Variants in ADH5 observed in about 807,000 individuals in gnomAD.
ADH5 encodes alcohol dehydrogenase 5 (class III), chi polypeptide.
ADH5 carries 32 observed loss-of-function variants against 40.3 expected under a neutral mutation model. The ratio of observed to expected loss-of-function variants is 0.79; its 90% confidence interval spans 0.60 to 1.07. ADH5 has a LOEUF of 1.07. ADH5 is among the 50% of genes least tolerant of loss of function. The probability of loss-of-function intolerance (pLI) is 0.00; values close to 1 mark genes in which losing one functional copy is unlikely to be tolerated. For missense variants in ADH5, 353 were observed against 460.5 expected, an observed-to-expected ratio of 0.77 and a Z score of 2.14; for synonymous variants, 125 against 154.3, an observed-to-expected ratio of 0.81 and a Z score of 1.41.
At chr4:99,087,076 T>C (rs1444245821) in intron 1 of ADH5, among the ~76,000 whole-genome samples, 1 of 150,412 alleles carries the variant, frequency 6.6e-6, no homozygotes, top group African/African-American at 2.5e-5. Flanking sequence ...GTGAACTACA[T>C]AGAGATATAA....
In ADH5 at chr4:99,072,428, C is replaced by T. The variant is rs1215594601; in HGVS notation, c.1114G>A (p.Val372Ile). 6.2e-7 allele frequency: 1 copy of T among 1,613,100 alleles called. No homozygotes were observed. Among genetic ancestry groups the T allele is most frequent in the Non-Finnish European group, 8.5e-7 (1 of 1,179,408 alleles). The change falls in exon 9 of 9, where the codon GTA becomes ATA. Residue 372 changes from valine to isoleucine, a missense_variant. By Grantham distance (29) the Val-to-Ile change is conservative. Transcript: ENST00000296412. ...MHSGKSIRTV[V>I]KI ...TTTTCTCTTTTGAATTAAATCTTTA[C>T]AACAGTTCGAATGCTGTAAAAGGAA...
chr4:99,075,596 G>A (rs1579361182), intron 6 of ADH5: 1 of 152,166 alleles, frequency 6.6e-6, no homozygotes, highest in Non-Finnish European at 1.5e-5. Context: ...ATTTTAAAAA[G>A]TAAACTGTAG....
At position 99,076,397 on chromosome 4, in the gene ADH5, A is replaced by G; in HGVS notation, c.720T>C (p.Cys240=). The change falls in exon 6 of 9, where the codon TGT becomes TGC. Residue 240 remains cysteine (C), a synonymous_variant. Coordinates refer to ENST00000296412, the MANE Select transcript of ADH5 (RefSeq NM_000671.4). ...GTTTACTAAAATCCTGAGGGTTAAT[A>G]CATTCAGTGGCTCCAAACTCTTTGG... is the stretch of plus-strand genomic sequence containing the variant. ...ARAKEFGATE[C]INPQDFSKPI... is the part of the protein sequence containing the mutation. The G allele has an allele frequency of 6.2e-7, 1 of 1,614,196 alleles. No individual in the cohort carries two copies. Among genetic ancestry groups the G allele is most frequent in the South Asian group, 1.1e-5 (1 of 91,086 alleles).
intron 4 of ADH5, among the ~76,000 whole-genome samples, chr4:99,077,935 G>C (rs1343707145): frequency 6.6e-6 from 1 of 152,196 alleles, no homozygotes; most frequent in East Asian, 1.9e-4. Flanking sequence ...TTTCTCACTA[G>C]AAAATGCTGA....
intron 1 of ADH5, among the ~76,000 whole-genome samples, chr4:99,087,014 TAA>T (rs1202959704): frequency 7.7e-6 from 1 of 130,426 alleles, no homozygotes; most frequent in Non-Finnish European, 1.6e-5. Context: ...CTTTGCAAAA[TAA>T]GTTAGTAGTT....
chr4:99,076,554 T>G lies in ADH5; in HGVS notation c.565-2A>C, dbSNP rs1446860377. On this transcript the variant is annotated splice_acceptor_variant, in intron 5 of 8. Coordinates refer to ENST00000296412, the MANE Select transcript of ADH5 (RefSeq NM_000671.4). LOFTEE classifies it high-confidence loss of function. ...GGCACAAACAGAGCCAGGCTCCAAC[T>G]AGGAGTAAAGAAAGTTTATAAAGTA... 6.2e-7 allele frequency: 1 copy of G among 1,611,996 alleles called. No homozygotes were observed. The highest frequency in any genetic ancestry group is 8.5e-7 in the Non-Finnish European group (1 of 1,179,184).
intron 1 of ADH5, among the ~76,000 whole-genome samples, chr4:99,087,111 C>T (rs985163425): frequency 1.3e-5 from 2 of 151,368 alleles, no homozygotes; most frequent in Non-Finnish European, 2.9e-5. Context: ...AGGCCGGGTG[C>T]AGGGGCTCAC....
chr4:99,074,111 A>G (rs1335203960), intron 7 of ADH5, among the ~76,000 whole-genome samples: 3 of 152,180 alleles, frequency 2.0e-5, no homozygotes, highest in South Asian at 2.1e-4. Flanking sequence ...AGCTGGCATA[A>G]TATGAGGTAG....
intron 7 of ADH5, 64 bp downstream of exon 7, chr4:99,074,850 G>A (rs924896660): frequency 6.7e-7 from 1 of 1,495,086 alleles, no homozygotes; most frequent in Admixed American, 2.1e-5. Context: ...AGGTGGCTGG[G>A]ATTAAACATC....
At position 99,076,907 on chromosome 4, in the gene ADH5, C is replaced by G; in HGVS notation, c.361G>C (p.Gly121Arg). 5 of 1,613,004 alleles carry G rather than the reference C, an allele frequency of 3.1e-6. No individual in the cohort carries two copies. Among genetic ancestry groups the G allele is most frequent in the Non-Finnish European group, 4.2e-6 (5 of 1,179,496 alleles). ...CTGCTGGTACCATCTGGCATTAATC[C>G]TTTCCCTTGAGTGACTCTAAAGAAA... ...CQKIRVTQGK[G>R]LMPDGTSRFT... The change falls in exon 5 of 9, where the codon GGA (glycine) becomes CGA (arginine). Residue 121 changes from glycine to arginine, a missense_variant. Coordinates refer to ENST00000296412, the MANE Select transcript of ADH5 (RefSeq NM_000671.4).
chr4:99,080,305 C>T (rs1223816807), intron 4 of ADH5: 1 of 199,084 alleles, frequency 5.0e-6, no homozygotes, highest in South Asian at 7.3e-5. Flanking sequence ...GAAAAATGAG[C>T]CAACAAATTT....
At chr4:99,073,480 A>C (rs933744741) in intron 7 of ADH5, among the ~76,000 whole-genome samples, 11 of 152,222 alleles carry the variant, frequency 7.2e-5, no homozygotes, top group African/African-American at 2.7e-4. Flanking sequence ...GCCCGACTAA[A>C]TGGTAAGATT....
At chr4:99,083,187 A>C (rs564627974) in intron 2 of ADH5, among the ~76,000 whole-genome samples, 1 of 152,306 alleles carries the variant, frequency 6.6e-6, no homozygotes, top group East Asian at 1.9e-4. Flanking sequence ...TGGGCACTTA[A>C]TACATCCAGG....
chr4:99,088,703 T>C lies in ADH5; in HGVS notation c.-3A>G. On this transcript the variant is annotated 5_prime_UTR_variant, in exon 1 of 9. The change abolishes the stop of an existing upstream ORF in the 5' untranslated region. Transcript: ENST00000296412. Reference sequence around the variant, plus strand: ...ACGGGCCCTACCTCGTTCGCCATGTTCACGGATTCTGGTCGGCGCGGGGGG... The same window carrying C: ...ACGGGCCCTACCTCGTTCGCCATGTCCACGGATTCTGGTCGGCGCGGGGGG... The C allele has an allele frequency of 6.2e-7, 1 of 1,605,828 alleles. No individual in the cohort carries two copies. The highest frequency in any genetic ancestry group is 8.5e-7 in the Non-Finnish European group (1 of 1,175,594).
At position 99,074,885 on chromosome 4, in the gene ADH5, A is replaced by G. The variant is rs28730629; in HGVS notation, c.961+29T>C. ...CTGCCAATGCAACTAACAAAAGAGAAAATGCAGTCATCTCATCCATCGAAT... is the reference window on the plus strand; with the variant it reads ...CTGCCAATGCAACTAACAAAAGAGAGAATGCAGTCATCTCATCCATCGAAT... On this transcript the variant is annotated intron_variant, in intron 7 of 8. Coordinates refer to ENST00000296412, the MANE Select transcript of ADH5 (RefSeq NM_000671.4). 3,533 of 1,562,504 alleles carry G rather than the reference A, an allele frequency of 2.3e-3. 57 individuals carry two copies. In the African/African-American group the frequency reaches 0.037, roughly 16 times the overall value.
At chr4:99,085,511 A>T (rs1174652282) in intron 1 of ADH5, 2 of 288,284 alleles carry the variant, frequency 6.9e-6, no homozygotes, top group African/African-American at 4.4e-5. Context: ...TTAAGAACAC[A>T]AGTTCCGAGA....
Position 99,088,737 on chromosome 4 carries a change from C to T in ADH5, c.-37G>A. Reference sequence around the variant, plus strand: ...CTGGTCGGCGCGGGGGGCTGACATCCGGGGTGGGCCGCGCAGCGACGGAGG... The same window carrying T: ...CTGGTCGGCGCGGGGGGCTGACATCTGGGGTGGGCCGCGCAGCGACGGAGG... On this transcript the variant is annotated 5_prime_UTR_variant, in exon 1 of 9. Coordinates refer to ENST00000296412, the MANE Select transcript of ADH5 (RefSeq NM_000671.4). 1.5e-6 allele frequency: 2 copies of T among 1,328,310 alleles called. No individual in the cohort carries two copies. The highest frequency in any genetic ancestry group is 2.0e-6 in the Non-Finnish European group (2 of 1,008,690). 82.3% of individuals were successfully genotyped at this position (1,328,310 alleles called of 1,614,324 possible). A position where few individuals can be genotyped will look rare whatever the true frequency, so the allele number is the denominator to read the frequency against.
intron 2 of ADH5, among the ~76,000 whole-genome samples, chr4:99,083,665 G>C (rs1195911653): frequency 6.6e-6 from 1 of 151,444 alleles, no homozygotes; most frequent in Admixed American, 6.6e-5. Flanking sequence ...TGCTCCACCT[G>C]GTATTTGTGA....
chr4:99,074,615 C>G (rs932434243), intron 7 of ADH5, among the ~76,000 whole-genome samples: 1 of 152,146 alleles, frequency 6.6e-6, no homozygotes, highest in Non-Finnish European at 1.5e-5. Flanking sequence ...AACTTCCTGT[C>G]CCTGCTATAC....
Sources: gnomAD v4.1 joint callset for allele counts (sites outside exome capture counted in the v4.1 genomes callset) on GRCh38, gnomAD v4.1.1 for gene constraint, MANE v1.5 for transcripts, NCBI Gene and HGNC (gene_info 2026-07-23, HGNC 2026-07-21) for gene names.